The following ARHGAP42 variants were observed in gnomAD, a reference collection of about 807,000 sequenced individuals.
ARHGAP42 encodes rho GTPase-activating protein 42.
A neutral mutation model predicts 125.0 loss-of-function variants in ARHGAP42; 63 were observed. The observed-to-expected ratio is 0.50, with a 90% CI of 0.41 to 0.62. ARHGAP42 has a LOEUF of 0.62. ARHGAP42 is among the 20% of genes least tolerant of loss of function. The pLI is 0.00. For synonymous variants in ARHGAP42, 339 were observed against 351.0 expected, an observed-to-expected ratio of 0.97 and a Z score of 0.38; for missense variants, 766 against 1,024.2, an observed-to-expected ratio of 0.75 and a Z score of 3.44.
At chr11:100,798,898 C>T (rs1863786353) in intron 3 of ARHGAP42, among the ~76,000 whole-genome samples, 1 of 152,162 alleles carries the variant, frequency 6.6e-6, no homozygotes, top group African/African-American at 2.4e-5. Context: ...GCCCTTGACT[C>T]AGAGGGTACA....
At chr11:100,851,525 T>G (rs1393623516) in intron 3 of ARHGAP42, among the ~76,000 whole-genome samples, 1 of 152,180 alleles carries the variant, frequency 6.6e-6, no homozygotes, top group Non-Finnish European at 1.5e-5. Flanking sequence ...GTATGGCACA[T>G]AGAATTGTGT....
intron 4 of ARHGAP42, among the ~76,000 whole-genome samples, chr11:100,884,629 G>C (rs1035341035): frequency 6.6e-6 from 1 of 152,066 alleles, no homozygotes; most frequent in African/African-American, 2.4e-5. Context: ...GCAGAGCTTC[G>C]TGGCACATTT....
chr11:100,743,176 T>C (rs1337304063), intron 1 of ARHGAP42, among the ~76,000 whole-genome samples: 1 of 152,224 alleles, frequency 6.6e-6, no homozygotes, highest in African/African-American at 2.4e-5. Context: ...AGTTTTATGC[T>C]TTCAAGAGGT....
chr11:100,700,979 T>C (rs1341963690), intron 1 of ARHGAP42, among the ~76,000 whole-genome samples: 1 of 152,224 alleles, frequency 6.6e-6, no homozygotes, highest in Non-Finnish European at 1.5e-5. Flanking sequence ...ATGTATCTCT[T>C]AAATCATAAG....
intron 21 of ARHGAP42, 96 bp downstream of exon 21, chr11:100,977,067 C>T (rs749193223): frequency 2.2e-6 from 3 of 1,367,074 alleles, no homozygotes; most frequent in Non-Finnish European, 3.0e-6. Context: ...AAGTTGAATA[C>T]ATTGGGAATA....
At chr11:100,734,271 C>T (rs1591136192) in intron 1 of ARHGAP42, among the ~76,000 whole-genome samples, 1 of 151,086 alleles carries the variant, frequency 6.6e-6, no homozygotes, top group East Asian at 2.0e-4. Context: ...GTGAAATCCA[C>T]CCCTTTTTTA....
chr11:100,839,918 C>T (rs1430345517), intron 3 of ARHGAP42: 1 of 152,154 alleles, frequency 6.6e-6, no homozygotes, highest in African/African-American at 2.4e-5. Context: ...AATGATTTCC[C>T]AAACTTCTCC....
chr11:100,966,040 A>G (rs1858085647), intron 17 of ARHGAP42, among the ~76,000 whole-genome samples: 1 of 152,168 alleles, frequency 6.6e-6, no homozygotes, highest in Non-Finnish European at 1.5e-5. Flanking sequence ...AGATGTGTCA[A>G]CTTAAAAATG....
At chr11:100,899,604 C>A (rs189068441) in intron 4 of ARHGAP42, among the ~76,000 whole-genome samples, 1 of 151,018 alleles carries the variant, frequency 6.6e-6, no homozygotes, top group African/African-American at 2.4e-5. Flanking sequence ...TAATGGACTT[C>A]TTTGTCTCTT....
At chr11:100,779,479 T>TAC (rs1863221043) in intron 2 of ARHGAP42, among the ~76,000 whole-genome samples, 1 of 97,228 alleles carries the variant, frequency 1.0e-5, no homozygotes, top group Non-Finnish European at 2.3e-5. Context: ...TATATATATA[T>TAC]ATATATACAC....
intron 21 of ARHGAP42, among the ~76,000 whole-genome samples, chr11:100,978,693 G>A (rs1281803878): frequency 6.6e-6 from 1 of 152,164 alleles, no homozygotes; most frequent in Non-Finnish European, 1.5e-5. Context: ...GCAGAGTAGA[G>A]AGAAAATGTT....
At chr11:100,878,338 C>G (rs1353667896) in intron 4 of ARHGAP42, among the ~76,000 whole-genome samples, 2 of 151,958 alleles carry the variant, frequency 1.3e-5, no homozygotes, top group Non-Finnish European at 2.9e-5. Flanking sequence ...GCCTCACTTT[C>G]AACTGTTTCC....
chr11:100,914,876 A>C (rs1867023199), intron 5 of ARHGAP42, among the ~76,000 whole-genome samples: 1 of 152,182 alleles, frequency 6.6e-6, no homozygotes, highest in African/African-American at 2.4e-5. Flanking sequence ...AGTGTTACAA[A>C]GTTCCTACAG....
intron 3 of ARHGAP42, among the ~76,000 whole-genome samples, chr11:100,842,780 G>GT (rs1864972420): frequency 6.6e-6 from 1 of 152,090 alleles, no homozygotes; most frequent in African/African-American, 2.4e-5. Context: ...AACAACAATA[G>GT]TGACACAACC....
In ARHGAP42 at chr11:100,900,855, G is replaced by T. The variant is rs189838237; in HGVS notation, c.385-12597G>T. Among the ~76,000 whole-genome samples the T allele has an allele frequency of 2.5e-4, 38 of 152,250 alleles. No homozygotes were observed. The East Asian group carries it at 7.0e-3, about 28-fold the overall frequency. ...GAACATGTTCCTTTAGCTCAGAGAAGTTCGTTATTACCGACCTTCTGAAAC... is the reference window on the plus strand; with the variant it reads ...GAACATGTTCCTTTAGCTCAGAGAATTTCGTTATTACCGACCTTCTGAAAC... On this transcript the variant is annotated intron_variant, in intron 4 of 23. Coordinates refer to ENST00000298815, the MANE Select transcript of ARHGAP42 (RefSeq NM_152432.4).
chr11:100,889,028 T>C (rs1866158704), intron 4 of ARHGAP42, among the ~76,000 whole-genome samples: 1 of 152,234 alleles, frequency 6.6e-6, no homozygotes, highest in Non-Finnish European at 1.5e-5. Context: ...TAGATATTTA[T>C]GTGTTATATC....
chr11:100,897,638 G>A (rs1189924191), intron 4 of ARHGAP42, among the ~76,000 whole-genome samples: 1 of 152,042 alleles, frequency 6.6e-6, no homozygotes, highest in African/African-American at 2.4e-5. Context: ...TTGGCTCTCT[G>A]TTTGTCTGTA....
At chr11:100,749,451 A>G (rs1352297068) in intron 1 of ARHGAP42, among the ~76,000 whole-genome samples, 2 of 145,944 alleles carry the variant, frequency 1.4e-5, no homozygotes, top group Non-Finnish European at 3.0e-5. Context: ...CTGTCCCGGA[A>G]GGCTAACCCC....
At chr11:100,690,740 G>C (rs1861174871) in intron 1 of ARHGAP42, among the ~76,000 whole-genome samples, 1 of 152,004 alleles carries the variant, frequency 6.6e-6, no homozygotes, top group African/African-American at 2.4e-5. Flanking sequence ...GGGACTACAG[G>C]TGCCCGCCAC....
Sources: allele counts gnomAD v4.1 joint callset (sites outside exome capture counted in the v4.1 genomes callset), GRCh38; gene constraint gnomAD v4.1.1; transcripts MANE v1.5; gene names NCBI Gene and HGNC (gene_info 2026-07-23, HGNC 2026-07-21).